CSMD1: variants seen among roughly 807,000 people sequenced by gnomAD.
The protein encoded by CSMD1 is CUB and Sushi multiple domains 1.
In CSMD1, 213 loss-of-function variants were observed where a neutral mutation model predicts 417.5. The observed-to-expected ratio is 0.51, with a 90% CI of 0.46 to 0.57. The LOEUF (loss-of-function observed/expected upper bound fraction) is 0.57. CSMD1 is among the 20% of genes least tolerant of loss of function. CSMD1 has a pLI of 0.00. For synonymous variants in CSMD1, 2,862 were observed against 1,736.8 expected (o/e 1.65, Z -16.11); for missense variants, 6,923 against 4,529.7 (o/e 1.53, Z -15.17).
intron 5 of CSMD1, among the ~76,000 whole-genome samples, chr8:3,929,907 C>T (rs183785352): frequency 6.7e-6 from 1 of 150,200 alleles, no homozygotes; most frequent in African/African-American, 2.5e-5. Flanking sequence ...GGTGATCTAC[C>T]TGCCTCAGCC....
intron 1 of CSMD1, among the ~76,000 whole-genome samples, chr8:4,683,623 C>T (rs1004156197): frequency 3.3e-5 from 5 of 152,154 alleles, no homozygotes; most frequent in Admixed American, 6.5e-5. Flanking sequence ...GAGGAAATGA[C>T]GAGGAACCTC....
chr8:4,356,607 G>C (rs1193038038), intron 3 of CSMD1, among the ~76,000 whole-genome samples: 1 of 152,026 alleles, frequency 6.6e-6, no homozygotes, highest in South Asian at 2.1e-4. Flanking sequence ...TAAGCATCTT[G>C]GCTGTTTTCA....
chr8:3,291,012 T>A (rs1298004946), intron 25 of CSMD1, among the ~76,000 whole-genome samples: 1 of 152,182 alleles, frequency 6.6e-6, no homozygotes, highest in Non-Finnish European at 1.5e-5. Flanking sequence ...AACACCTAAT[T>A]TTTTGAGAGT....
chr8:3,544,353 C>A (rs1454680701), intron 10 of CSMD1, among the ~76,000 whole-genome samples: 1 of 152,046 alleles, frequency 6.6e-6, no homozygotes, highest in Non-Finnish European at 1.5e-5. Context: ...TTATCACAAA[C>A]CCTTGTAGCA....
chr8:4,886,047 G>C (rs1371016545), intron 1 of CSMD1, among the ~76,000 whole-genome samples: 1 of 152,038 alleles, frequency 6.6e-6, no homozygotes, highest in African/African-American at 2.4e-5. Context: ...CTGGACTGCA[G>C]TGGTGCAATC....
At chr8:3,894,844 C>G (rs904045969) in intron 5 of CSMD1, among the ~76,000 whole-genome samples, 3 of 152,180 alleles carry the variant, frequency 2.0e-5, no homozygotes, top group Non-Finnish European at 2.9e-5. Context: ...TGCTCTGGCT[C>G]TATTCTAAAG....
chr8:4,349,395 G>A (rs187115463), intron 3 of CSMD1, among the ~76,000 whole-genome samples: 7 of 152,284 alleles, frequency 4.6e-5, no homozygotes, highest in African/African-American at 1.7e-4. Context: ...GTGGTAGGCA[G>A]AGGAAATATT....
intron 7 of CSMD1, among the ~76,000 whole-genome samples, chr8:3,635,437 G>T (rs946290083): frequency 5.3e-5 from 8 of 151,252 alleles, no homozygotes; most frequent in South Asian, 2.1e-4. Context: ...TGAGCCGAGA[G>T]TGCACCACTA....
At chr8:3,646,956 C>T (rs970471111) in intron 7 of CSMD1, among the ~76,000 whole-genome samples, 13 of 152,266 alleles carry the variant, frequency 8.5e-5, no homozygotes, top group African/African-American at 2.2e-4. Context: ...GATGCATCAT[C>T]CTCTCTATAA....
rs772352876 is a variant in CSMD1, at chr8:4,990,926, A to G, written c.85+3406T>C. Among the ~76,000 whole-genome samples, 199 of 152,276 alleles carry G rather than the reference A, an allele frequency of 1.3e-3. 2 individuals carry two copies. Among genetic ancestry groups the G allele is most frequent in the Non-Finnish European group, 4.7e-4 (32 of 68,030 alleles). ...TGGAAACTCAGCAGTGCGTGCTCAC[A>G]TCTCTGCTGGGTGGGTCAGGAAATG... On this transcript the variant is annotated intron_variant, in intron 1 of 69. Coordinates refer to ENST00000635120, the MANE Select transcript of CSMD1 (RefSeq NM_033225.6).
chr8:3,629,073 A>G (rs1584985302), intron 7 of CSMD1, among the ~76,000 whole-genome samples: 1 of 152,156 alleles, frequency 6.6e-6, no homozygotes, highest in East Asian at 1.9e-4. Flanking sequence ...TATCGACACA[A>G]GAGGAGTGAG....
intron 3 of CSMD1, among the ~76,000 whole-genome samples, chr8:4,069,289 T>C (rs552599481): frequency 6.7e-4 from 102 of 152,326 alleles, no homozygotes; most frequent in Non-Finnish European, 1.1e-3. Flanking sequence ...TAGGAGGTCA[T>C]TATTTTTTGA....
chr8:3,526,754 G>C (rs1797770027), intron 10 of CSMD1, among the ~76,000 whole-genome samples: 1 of 152,144 alleles, frequency 6.6e-6, no homozygotes, highest in Non-Finnish European at 1.5e-5. Context: ...CCCTCATTCA[G>C]TTTCCCTTCC....
intron 28 of CSMD1, 106 bp downstream of exon 28, chr8:3,223,623 A>C: frequency 1.7e-6 from 2 of 1,145,580 alleles, no homozygotes; most frequent in Non-Finnish European, 2.5e-6. Flanking sequence ...AAAATCTAGC[A>C]CTTACCTAGA....
intron 25 of CSMD1, among the ~76,000 whole-genome samples, chr8:3,304,322 C>T (rs535949953): frequency 1.3e-5 from 2 of 151,876 alleles, no homozygotes; most frequent in African/African-American, 2.4e-5. Flanking sequence ...ACTTAGTAAC[C>T]ATGCAAGCTA....
At position 4,793,929 on chromosome 8, in the gene CSMD1, G is replaced by A. The variant is rs117555455; in HGVS notation, c.86-156371C>T. Among the ~76,000 whole-genome samples, 141 of 152,082 alleles carry A rather than the reference G, an allele frequency of 9.3e-4. 1 individual carries two copies. The highest frequency in any genetic ancestry group is 3.3e-3 in the African/African-American group (135 of 41,494). On this transcript the variant is annotated intron_variant, in intron 1 of 69. Coordinates refer to ENST00000635120, the MANE Select transcript of CSMD1 (RefSeq NM_033225.6). ...TGAATAAAAATGTGATGTAAGTTGA[G>A]GTTTGTGTGAAAATGAACTGGCACT...
chr8:3,457,921 GA>G (rs1291397506), intron 12 of CSMD1, among the ~76,000 whole-genome samples: 1 of 152,140 alleles, frequency 6.6e-6, no homozygotes, highest in South Asian at 2.1e-4. Context: ...CATATGGCTG[GA>G]AAAAAATAGG....
intron 3 of CSMD1, among the ~76,000 whole-genome samples, chr8:4,106,283 G>A (rs1173882614): frequency 6.6e-6 from 1 of 152,170 alleles, no homozygotes; most frequent in Non-Finnish European, 1.5e-5. Context: ...GTGTTTCTGT[G>A]GGTGGGAAAA....
At chr8:3,159,104 T>A (rs1007213142) in intron 38 of CSMD1, among the ~76,000 whole-genome samples, 1 of 152,166 alleles carries the variant, frequency 6.6e-6, no homozygotes, top group Non-Finnish European at 1.5e-5. Flanking sequence ...ACTCTCTGTA[T>A]CCCCATTCTT....
Sources: gnomAD v4.1 joint callset for allele counts (sites outside exome capture counted in the v4.1 genomes callset) on GRCh38, gnomAD v4.1.1 for gene constraint, MANE v1.5 for transcripts, NCBI Gene and HGNC (gene_info 2026-07-23, HGNC 2026-07-21) for gene names.